CNTN5: variants seen among roughly 807,000 people sequenced by gnomAD.
CNTN5 encodes contactin-5.
Under a neutral mutation model 129.1 loss-of-function variants are expected in CNTN5, and 77 were observed. That is an observed-to-expected ratio of 0.60 (90% CI 0.50 to 0.72). The LOEUF is 0.72. Ranked by LOEUF, CNTN5 falls within the 30% of genes least tolerant of loss-of-function variation. CNTN5 has a pLI of 0.00. For missense variants in CNTN5, 1,478 were observed against 1,328.8 expected (o/e 1.11, Z -1.75); for synonymous variants, 509 against 465.6 (o/e 1.09, Z -1.20).
intron 6 of CNTN5, among the ~76,000 whole-genome samples, chr11:99,862,598 A>G (rs1948242209): frequency 6.6e-6 from 1 of 152,004 alleles, no homozygotes; most frequent in African/African-American, 2.4e-5. Context: ...AAATTCAATT[A>G]AAATATATTT....
At chr11:100,199,505 G>A (rs1167718109) in intron 15 of CNTN5, among the ~76,000 whole-genome samples, 1 of 151,650 alleles carries the variant, frequency 6.6e-6, no homozygotes. Context: ...ATTTTAATAG[G>A]ACAGAAACAT....
rs140143972 is a variant in CNTN5, at chr11:100,108,762, A to T, written c.1580+34468A>T. Among the ~76,000 whole-genome samples, 791 of 151,884 alleles carry T rather than the reference A, an allele frequency of 5.2e-3. 2 individuals are homozygous for T. The highest frequency in any genetic ancestry group is 0.02 in the Middle Eastern group (6 of 294). On this transcript the variant is annotated intron_variant, in intron 13 of 24. Transcript: ENST00000524871. ...TTATTATATATGTAAACTGACAGAGATCGCAACTACTCTACACACTCCATA... is the reference window on the plus strand; with the variant it reads ...TTATTATATATGTAAACTGACAGAGTTCGCAACTACTCTACACACTCCATA...
chr11:99,962,037 C>A (rs1212048189), intron 8 of CNTN5, among the ~76,000 whole-genome samples: 2 of 152,052 alleles, frequency 1.3e-5, no homozygotes, highest in African/African-American at 4.8e-5. Context: ...TTAATAGTTA[C>A]TGTTGAAAAT....
intron 1 of CNTN5, among the ~76,000 whole-genome samples, chr11:99,039,463 C>T (rs1863897070): frequency 6.6e-6 from 1 of 152,030 alleles, no homozygotes; most frequent in South Asian, 2.1e-4. Context: ...CTCAGAAAAG[C>T]CATGCTGCTC....
At chr11:99,128,645 TC>T in intron 1 of CNTN5, among the ~76,000 whole-genome samples, 2 of 152,230 alleles carry the variant, frequency 1.3e-5, no homozygotes, top group Admixed American at 1.3e-4. Flanking sequence ...CTTAAGTGGG[TC>T]CCTCATCCTG....
At chr11:99,642,216 A>G (rs576361441) in intron 3 of CNTN5, among the ~76,000 whole-genome samples, 3 of 152,304 alleles carry the variant, frequency 2.0e-5, no homozygotes, top group Admixed American at 1.3e-4. Context: ...AATACAGAAA[A>G]ACAAGATTCA....
chr11:99,798,620 T>C (rs1207506946), intron 3 of CNTN5, among the ~76,000 whole-genome samples: 2 of 152,140 alleles, frequency 1.3e-5, no homozygotes, highest in African/African-American at 4.8e-5. Flanking sequence ...GTTCCATTGA[T>C]TTGTGTGTCT....
intron 2 of CNTN5, among the ~76,000 whole-genome samples, chr11:99,432,301 A>G (rs1459305165): frequency 2.0e-5 from 3 of 152,152 alleles, no homozygotes; most frequent in Non-Finnish European, 4.4e-5. Flanking sequence ...ATTAAGAGAT[A>G]TAAATTGAGG....
intron 3 of CNTN5, among the ~76,000 whole-genome samples, chr11:99,608,866 A>C (rs1950512989): frequency 1.3e-5 from 2 of 152,196 alleles, no homozygotes; most frequent in African/African-American, 4.8e-5. Flanking sequence ...AATAGTTATG[A>C]ATGTTCATTA....
At chr11:99,904,004 A>C (rs1982453) in intron 6 of CNTN5, among the ~76,000 whole-genome samples, 25,027 of 152,164 alleles carry the variant, frequency 0.16, 2,345 homozygotes, top group Non-Finnish European at 0.21. Flanking sequence ...AAAAAAGGCA[A>C]ATATAACAGA....
chr11:100,309,518 T>C, intron 21 of CNTN5: 1 of 973,474 alleles, frequency 1.0e-6, no homozygotes, highest in Non-Finnish European at 1.2e-6. Context: ...ACAATCTTGC[T>C]TCAATTAATT....
At chr11:99,114,841 T>C (rs1477185591) in intron 1 of CNTN5, among the ~76,000 whole-genome samples, 1 of 152,214 alleles carries the variant, frequency 6.6e-6, no homozygotes, top group Admixed American at 6.5e-5. Context: ...CAATCCGTGT[T>C]ATAGACTAAA....
At chr11:99,235,058 T>C (rs1222251939) in intron 1 of CNTN5, among the ~76,000 whole-genome samples, 2 of 152,078 alleles carry the variant, frequency 1.3e-5, no homozygotes, top group South Asian at 2.1e-4. Flanking sequence ...TTTTCTTTTT[T>C]TGGAAATCAA....
At chr11:99,729,723 A>C (rs1765628584) in intron 3 of CNTN5, among the ~76,000 whole-genome samples, 1 of 152,198 alleles carries the variant, frequency 6.6e-6, no homozygotes, top group African/African-American at 2.4e-5. Flanking sequence ...GCAGCCATAA[A>C]AAGGAGTGAG....
At chr11:100,151,923 T>C (rs1203539595) in intron 13 of CNTN5, among the ~76,000 whole-genome samples, 2 of 151,644 alleles carry the variant, frequency 1.3e-5, no homozygotes, top group Non-Finnish European at 2.9e-5. Flanking sequence ...GCCAGTCCTC[T>C]GGCCTCAGTT....
intron 3 of CNTN5, among the ~76,000 whole-genome samples, chr11:99,668,694 C>T (rs557497882): frequency 3.3e-5 from 5 of 152,132 alleles, no homozygotes; most frequent in South Asian, 2.1e-4. Flanking sequence ...TTTGGGAGGC[C>T]GAGGTGCGCA....
At chr11:99,048,531 A>G (rs1051710378) in intron 1 of CNTN5, among the ~76,000 whole-genome samples, 2 of 152,220 alleles carry the variant, frequency 1.3e-5, no homozygotes, top group African/African-American at 4.8e-5. Context: ...TTAATTAGTT[A>G]TAAAATAAAT....
At chr11:99,954,124 A>G (rs1005793303) in intron 7 of CNTN5, among the ~76,000 whole-genome samples, 1 of 152,188 alleles carries the variant, frequency 6.6e-6, no homozygotes, top group Non-Finnish European at 1.5e-5. Flanking sequence ...CTGCACATTT[A>G]TCCCAGAACT....
intron 13 of CNTN5, among the ~76,000 whole-genome samples, chr11:100,092,365 T>C (rs1185148875): frequency 6.6e-6 from 1 of 152,136 alleles, no homozygotes; most frequent in African/African-American, 2.4e-5. Context: ...GAGGTTTAAA[T>C]GCTAATATTC....
Sources: gnomAD v4.1 joint callset for allele counts (sites outside exome capture counted in the v4.1 genomes callset) on GRCh38, gnomAD v4.1.1 for gene constraint, MANE v1.5 for transcripts, NCBI Gene and HGNC (gene_info 2026-07-23, HGNC 2026-07-21) for gene names.